Variants in SLC36A4 observed in about 807,000 individuals in gnomAD.
The protein encoded by SLC36A4 is solute carrier family 36 member 4, also known as neutral amino acid uniporter 4.
SLC36A4 carries 49 observed loss-of-function variants against 50.5 expected under a neutral mutation model. The observed-to-expected ratio is 0.97, with a 90% CI of 0.77 to 1.23. SLC36A4 has a LOEUF of 1.23. Ranked by LOEUF, SLC36A4 falls within the 50% of genes most tolerant of loss-of-function variation. SLC36A4 has a pLI of 0.00. For synonymous variants in SLC36A4, 207 were observed against 206.5 expected (o/e 1.00, Z -0.02); for missense variants, 611 against 608.4 (o/e 1.00, Z -0.05).
chr11:93,153,456 G>A (rs1045699340), intron 10 of SLC36A4, among the ~76,000 whole-genome samples: 2 of 151,992 alleles, frequency 1.3e-5, no homozygotes, highest in Admixed American at 6.6e-5. Context: ...GCTCAACAAT[G>A]GCATGTAACT....
At chr11:93,164,182 A>C (rs1340576455) in intron 8 of SLC36A4, among the ~76,000 whole-genome samples, 3 of 152,170 alleles carry the variant, frequency 2.0e-5, no homozygotes, top group Non-Finnish European at 4.4e-5. Context: ...CAGAACTAGG[A>C]AGTATATGCA....
intron 1 of SLC36A4, among the ~76,000 whole-genome samples, chr11:93,194,122 G>A (rs1862325275): frequency 6.6e-6 from 1 of 151,874 alleles, no homozygotes; most frequent in African/African-American, 2.4e-5. Context: ...TAGAAATAAG[G>A]GGAAGTAAAT....
Position 93,144,782 on chromosome 11 carries a change from C to T in SLC36A4, c.*3755G>A, listed in dbSNP as rs979212127. ...TTTAATGTTAGGAAGTACAACTACA[C>T]TTTTCAGATCCAAGTTTCTCAAATT... On this transcript the variant is annotated 3_prime_UTR_variant, in exon 11 of 11. Transcript: ENST00000326402. The T allele has an allele frequency of 6.6e-6, 1 of 152,020 alleles. No homozygotes were observed. Among genetic ancestry groups the T allele is most frequent in the African/African-American group, 2.4e-5 (1 of 41,428 alleles). The allele number at this position is 152,020 out of a possible 1,614,324, so 9.4% of individuals were successfully genotyped here.
chr11:93,160,990 C>T (rs183721863), intron 9 of SLC36A4: 8 of 155,238 alleles, frequency 5.2e-5, no homozygotes, highest in Non-Finnish European at 7.1e-5. Flanking sequence ...CAGACTTGTG[C>T]CACCATGCCT....
chr11:93,155,153 A>T (rs976010049), intron 9 of SLC36A4: 3 of 152,120 alleles, frequency 2.0e-5, no homozygotes, highest in Admixed American at 2.0e-4. Flanking sequence ...AGAATAATAA[A>T]ATTAATATGC....
rs1176148030 is a variant in SLC36A4, at chr11:93,148,111, C to T, written c.*426G>A. ...TACATAAAGTTTACTTTGGCATTCA[C>T]AGGGATGATCTGGAGAGAGCTTTTT... is the stretch of plus-strand genomic sequence containing the variant. On this transcript the variant is annotated 3_prime_UTR_variant, in exon 11 of 11. Transcript: ENST00000326402. 3 of 153,584 alleles carry T rather than the reference C, an allele frequency of 2.0e-5. No homozygotes were observed. The highest frequency in any genetic ancestry group is 7.3e-5 in the African/African-American group (3 of 41,276). The allele number at this position is 153,584 out of a possible 1,614,324, so 9.5% of individuals were successfully genotyped here. A position where few individuals can be genotyped will look rare whatever the true frequency, so the allele number is the denominator to read the frequency against.
intron 1 of SLC36A4, among the ~76,000 whole-genome samples, chr11:93,192,214 T>C (rs1303524407): frequency 1.3e-5 from 2 of 152,060 alleles, no homozygotes; most frequent in Non-Finnish European, 2.9e-5. Flanking sequence ...ACTGAGAAAG[T>C]GGCATTTCAA....
intron 1 of SLC36A4, among the ~76,000 whole-genome samples, chr11:93,195,132 T>C (rs928999571): frequency 6.6e-6 from 1 of 151,148 alleles, no homozygotes; most frequent in African/African-American, 2.4e-5. Context: ...CACAATGCAC[T>C]TTATTATCTA....
chr11:93,178,166 G>C (rs955501505), intron 6 of SLC36A4, among the ~76,000 whole-genome samples: 2 of 152,188 alleles, frequency 1.3e-5, no homozygotes, highest in African/African-American at 4.8e-5. Context: ...CTAGCAGTGA[G>C]CGAGGCTTTG....
intron 9 of SLC36A4, among the ~76,000 whole-genome samples, chr11:93,155,772 C>A (rs1257770240): frequency 6.6e-6 from 1 of 152,012 alleles, no homozygotes; most frequent in Non-Finnish European, 1.5e-5. Context: ...TGTTCCCCTC[C>A]ATGTGTCCGC....
chr11:93,148,389 G>C lies in SLC36A4; in HGVS notation c.*148C>G, dbSNP rs1392679228. 1.4e-6 allele frequency: 1 copy of C among 718,326 alleles called. No individual in the cohort carries two copies. Among genetic ancestry groups the C allele is most frequent in the East Asian group, 2.7e-5 (1 of 36,772 alleles). 44.5% of individuals were successfully genotyped at this position (718,326 alleles called of 1,614,324 possible). On this transcript the variant is annotated 3_prime_UTR_variant, in exon 11 of 11. Coordinates refer to ENST00000326402, the MANE Select transcript of SLC36A4 (RefSeq NM_152313.4). Reference sequence around the variant, plus strand: ...TCATAGGTTTACCACTACTGGTAAAGAGTTATGATTACTTCCAAAATATTA... The same window carrying C: ...TCATAGGTTTACCACTACTGGTAAACAGTTATGATTACTTCCAAAATATTA...
intron 8 of SLC36A4, among the ~76,000 whole-genome samples, chr11:93,163,617 G>C (rs1488964376): frequency 6.6e-6 from 1 of 152,036 alleles, no homozygotes. Context: ...ATTTGGTTAA[G>C]GTAGTGTTTG....
intron 9 of SLC36A4, among the ~76,000 whole-genome samples, chr11:93,162,447 T>C (rs1187586165): frequency 6.6e-6 from 1 of 151,226 alleles, no homozygotes; most frequent in Non-Finnish European, 1.5e-5. Flanking sequence ...TAGCTGGGAT[T>C]ATAGGCACCC....
At position 93,168,028 on chromosome 11, in the gene SLC36A4, T is replaced by C. The variant is rs1451756033; in HGVS notation, c.684A>G (p.Glu228=). The change falls in exon 7 of 11, where the codon GAA becomes GAG. Residue 228 remains glutamate (E), a synonymous_variant. Transcript: ENST00000326402. ...PFIILLVFIR[E]LKNLFVLSFL... ...ATGAAAGTACAAATAGATTCTTTAG[T>C]TCACGAATGAAGACCAAAAGAATTA... 1.9e-6 allele frequency: 3 copies of C among 1,612,366 alleles called. No homozygotes were observed. In the African/African-American group the frequency reaches 4.0e-5, roughly 22 times the overall value.
rs376115076 is a variant in SLC36A4, at chr11:93,168,005, G to C, written c.707C>G (p.Ser236Ter). ...IRELKNLFVL[S>*]FLANVSMAVS... is the part of the protein sequence containing the mutation. Reference sequence around the variant, plus strand: ...AGCCATGGAAACGTTGGCAAGGAATGAAAGTACAAATAGATTCTTTAGTTC... The same window carrying C: ...AGCCATGGAAACGTTGGCAAGGAATCAAAGTACAAATAGATTCTTTAGTTC... Residue 236 changes from serine to a stop codon, truncating the protein, a stop_gained, in exon 7 of 11, where the codon TCA becomes TGA. Transcript: ENST00000326402. LOFTEE classifies it high-confidence loss of function. The C allele has an allele frequency of 4.2e-5, 67 of 1,612,464 alleles. No homozygotes were observed. The highest frequency in any genetic ancestry group is 5.2e-5 in the Non-Finnish European group (61 of 1,179,122).
At chr11:93,168,367 A>C (rs917790928) in intron 6 of SLC36A4, among the ~76,000 whole-genome samples, 196 bp from the exon 7 acceptor site, 1 of 152,096 alleles carries the variant, frequency 6.6e-6, no homozygotes, top group Non-Finnish European at 1.5e-5. Context: ...TATAAGGATA[A>C]CTGACGTAAG....
intron 10 of SLC36A4, among the ~76,000 whole-genome samples, chr11:93,150,457 G>A (rs1311808748): frequency 6.6e-6 from 1 of 151,928 alleles, no homozygotes; most frequent in African/African-American, 2.4e-5. Flanking sequence ...TTCCCACCAT[G>A]TTCCTCATAT....
chr11:93,170,634 C>T (rs1312637485), intron 6 of SLC36A4, among the ~76,000 whole-genome samples: 1 of 152,042 alleles, frequency 6.6e-6, no homozygotes, highest in Admixed American at 6.6e-5. Context: ...TTTGATATTG[C>T]TACATTTTTT....
intron 1 of SLC36A4, chr11:93,197,047 G>A (rs1011315908): frequency 1.3e-5 from 2 of 152,180 alleles, no homozygotes; most frequent in Non-Finnish European, 1.5e-5. Flanking sequence ...TTATAATACG[G>A]TATTTTTTAA....
Sources: gnomAD v4.1 joint callset for allele counts (sites outside exome capture counted in the v4.1 genomes callset) on GRCh38, gnomAD v4.1.1 for gene constraint, MANE v1.5 for transcripts, NCBI Gene and HGNC (gene_info 2026-07-23, HGNC 2026-07-21) for gene names.